MEI1: variants seen among roughly 807,000 people sequenced by gnomAD.
MEI1 encodes meiosis inhibitor protein 1.
In MEI1, 103 loss-of-function variants were observed where a neutral mutation model predicts 146.2. The observed-to-expected ratio is 0.70, with a 90% confidence interval of 0.60 to 0.83. The LOEUF is 0.83. MEI1 is among the 40% of genes least tolerant of loss of function. The pLI is 0.00. For missense variants in MEI1, 1,529 were observed against 1,533.0 expected (o/e 1.00, Z 0.04); for synonymous variants, 652 against 628.2 (o/e 1.04, Z -0.57).
At chr22:41,763,122 C>G in intron 18 of MEI1, 52 bp from the exon 19 acceptor site, 1 of 1,598,594 alleles carries the variant, frequency 6.3e-7, no homozygotes, top group Non-Finnish European at 8.5e-7. Flanking sequence ...ATAGAAGAGC[C>G]CAGTGGCCTG....
chr22:41,704,736 A>T (rs1488071758), intron 2 of MEI1, among the ~76,000 whole-genome samples: 1 of 151,254 alleles, frequency 6.6e-6, no homozygotes, highest in Non-Finnish European at 1.5e-5. Context: ...TTTTTTTGAG[A>T]TGGAGTCTTG....
intron 15 of MEI1, among the ~76,000 whole-genome samples, chr22:41,749,312 G>T (rs1331713934): frequency 1.3e-5 from 2 of 149,462 alleles, no homozygotes; most frequent in Non-Finnish European, 3.0e-5. Flanking sequence ...TTTAGCTCTT[G>T]TTGCCCGGGC....
intron 30 of MEI1, among the ~76,000 whole-genome samples, chr22:41,796,871 G>A (rs879820820): frequency 1.3e-5 from 2 of 152,068 alleles, no homozygotes; most frequent in Non-Finnish European, 2.9e-5. Flanking sequence ...CGCTTGAATC[G>A]GGGATGCGGA....
intron 7 of MEI1, among the ~76,000 whole-genome samples, chr22:41,724,875 C>T (rs1294858093): frequency 2.0e-5 from 3 of 151,630 alleles, no homozygotes; most frequent in African/African-American, 7.3e-5. Context: ...ACAATCACGG[C>T]TCACTGCAGC....
At chr22:41,713,593 T>C (rs2069811164) in intron 3 of MEI1, among the ~76,000 whole-genome samples, 1 of 152,156 alleles carries the variant, frequency 6.6e-6, no homozygotes, top group Non-Finnish European at 1.5e-5. Flanking sequence ...TCGTTGCCCA[T>C]GCTGGAGTGC....
At chr22:41,750,529 A>G (rs949553979) in intron 15 of MEI1, among the ~76,000 whole-genome samples, 1 of 152,208 alleles carries the variant, frequency 6.6e-6, no homozygotes, top group Admixed American at 6.5e-5. Context: ...GAGACAGGAT[A>G]CACAACTATT....
In MEI1 at chr22:41,776,160, C is replaced by G. The variant is rs767568961; in HGVS notation, c.2603C>G (p.Thr868Ser). Residue 868 changes from threonine (T) to serine (S), a missense_variant, in exon 21 of 31, where the codon ACC becomes AGC. By Grantham distance (58) the Thr-to-Ser change is moderately conservative. Around this residue, in one of 3 missense-constraint regions of MEI1, gnomAD observed 1,212 missense variants for 1,178.9 expected, o/e 1.03. Coordinates refer to ENST00000401548, the MANE Select transcript of MEI1 (RefSeq NM_152513.4). ...CACAAGGTACTGATTAGCCTGAGGA[C>G]CTTCCTGAGGAGGAATGAGGATATC... Reference protein sequence around the residue: ...TAHKVLISLRTFLRRNEDIQV... With the variant: ...TAHKVLISLRSFLRRNEDIQV... 5.6e-6 allele frequency: 9 copies of G among 1,613,958 alleles called. No homozygotes were observed. The highest frequency in any genetic ancestry group is 7.6e-6 in the Non-Finnish European group (9 of 1,179,872).
At chr22:41,749,279 CTT>C (rs60767990) in intron 15 of MEI1, among the ~76,000 whole-genome samples, 127 of 145,012 alleles carry the variant, frequency 8.8e-4, no homozygotes, top group Non-Finnish European at 9.3e-4. Flanking sequence ...GGATTTTTTT[CTT>C]TTTTTTTTTT....
intron 26 of MEI1, among the ~76,000 whole-genome samples, chr22:41,792,865 T>A (rs186908021): frequency 6.6e-6 from 1 of 150,948 alleles, no homozygotes; most frequent in East Asian, 2.0e-4. Context: ...TAATGATAAA[T>A]ATTTTCATGT....
chr22:41,749,724 G>A (rs2073615037), intron 15 of MEI1, among the ~76,000 whole-genome samples: 1 of 152,208 alleles, frequency 6.6e-6, no homozygotes, highest in Admixed American at 6.5e-5. Flanking sequence ...TCAGCCTCTT[G>A]CATTAACTCA....
intron 2 of MEI1, among the ~76,000 whole-genome samples, chr22:41,704,092 C>G (rs1276190064): frequency 6.6e-6 from 1 of 152,202 alleles, no homozygotes; most frequent in African/African-American, 2.4e-5. Context: ...TACTTTCCCT[C>G]TCCTGTGCCT....
intron 19 of MEI1, among the ~76,000 whole-genome samples, chr22:41,766,217 A>C (rs1487024431): frequency 7.0e-6 from 1 of 143,572 alleles, no homozygotes; most frequent in Non-Finnish European, 1.5e-5. Flanking sequence ...TCTGTCGCCC[A>C]AGCTGGAGTG....
intron 26 of MEI1, among the ~76,000 whole-genome samples, chr22:41,788,308 C>T (rs1000552023): frequency 2.6e-4 from 39 of 151,192 alleles, no homozygotes; most frequent in African/African-American, 9.2e-4. Flanking sequence ...GGATTACAGG[C>T]GTGCCCAGCC....
intron 21 of MEI1, among the ~76,000 whole-genome samples, chr22:41,777,979 CCTT>C (rs1288339802): frequency 1.3e-5 from 2 of 151,084 alleles, no homozygotes; most frequent in Non-Finnish European, 3.0e-5. Context: ...TCTTTCCCCT[CCTT>C]CTCCCCTCCC....
intron 11 of MEI1, among the ~76,000 whole-genome samples, chr22:41,740,666 G>T (rs2072781227): frequency 6.6e-6 from 1 of 152,136 alleles, no homozygotes; most frequent in South Asian, 2.1e-4. Flanking sequence ...GGAGATTGAG[G>T]CTGCTGTGAG....
At chr22:41,791,875 A>C (rs1390398116) in intron 26 of MEI1, among the ~76,000 whole-genome samples, 1 of 152,228 alleles carries the variant, frequency 6.6e-6, no homozygotes, top group Non-Finnish European at 1.5e-5. Flanking sequence ...TAAGTGAAAG[A>C]AGTCAGATAC....
chr22:41,730,475 A>T (rs758929622), intron 8 of MEI1, 46 bp from the exon 9 acceptor site: 1 of 1,335,040 alleles, frequency 7.5e-7, no homozygotes, highest in Non-Finnish European at 1.1e-6. Context: ...AGGGATCGTG[A>T]TCACATGGCT....
At chr22:41,719,079 T>C (rs571723402) in intron 6 of MEI1, among the ~76,000 whole-genome samples, 1 of 148,920 alleles carries the variant, frequency 6.7e-6, no homozygotes, top group East Asian at 2.0e-4. Flanking sequence ...GCCTCCCGGG[T>C]TCACACCATT....
chr22:41,720,198 T>TG (rs1021676687), intron 6 of MEI1, among the ~76,000 whole-genome samples: 4 of 151,518 alleles, frequency 2.6e-5, no homozygotes, highest in African/African-American at 7.3e-5. Flanking sequence ...AGTCCTAAAT[T>TG]GGGGGGGAGA....
Sources: gnomAD v4.1 joint callset for allele counts (sites outside exome capture counted in the v4.1 genomes callset) on GRCh38, gnomAD v4.1.1 for gene constraint, gnomAD v4.1.1 regional missense constraint, MANE v1.5 for transcripts, NCBI Gene and HGNC (gene_info 2026-07-23, HGNC 2026-07-21) for gene names.